The following TMEM207 variants were observed in gnomAD, a reference collection of about 807,000 sequenced individuals.
The protein encoded by TMEM207 is transmembrane protein 207, also known as SRSR846.
TMEM207 carries 15 observed loss-of-function variants against 17.4 expected under a neutral mutation model. The ratio of observed to expected loss-of-function variants is 0.86; its 90% CI spans 0.58 to 1.33. TMEM207 has a LOEUF of 1.33. Ranked by LOEUF, TMEM207 falls within the 40% of genes most tolerant of loss-of-function variation. The pLI, the probability that TMEM207 is intolerant of heterozygous loss-of-function variation, is 0.00. For synonymous variants in TMEM207, 70 were observed against 65.6 expected, an observed-to-expected ratio of 1.07 and a Z score of -0.33; for missense variants, 205 against 173.8, an observed-to-expected ratio of 1.18 and a Z score of -1.01.
At chr3:190,444,305 G>T (rs558746815) in intron 2 of TMEM207, 4 of 465,046 alleles carry the variant, frequency 8.6e-6, no homozygotes, top group African/African-American at 2.1e-5. Flanking sequence ...AGTAACTTGC[G>T]CAAGTTAGCA....
At chr3:190,435,179 T>C (rs925209881) in intron 4 of TMEM207, among the ~76,000 whole-genome samples, 29 of 152,178 alleles carry the variant, frequency 1.9e-4, no homozygotes, top group African/African-American at 6.8e-4. Context: ...TTAAATAACA[T>C]AAATTCATTT....
intron 4 of TMEM207, among the ~76,000 whole-genome samples, chr3:190,434,609 A>G (rs1469656963): frequency 6.6e-6 from 1 of 152,246 alleles, no homozygotes; most frequent in Non-Finnish European, 1.5e-5. Flanking sequence ...AAAAGAAAAC[A>G]TCAAAAAGAA....
intron 4 of TMEM207, among the ~76,000 whole-genome samples, chr3:190,433,657 G>C (rs1193795125): frequency 6.6e-6 from 1 of 152,058 alleles, no homozygotes; most frequent in Non-Finnish European, 1.5e-5. Context: ...ACTGTCTGTG[G>C]CTCAATGTGT....
chr3:190,433,187 G>A (rs1190779513), intron 4 of TMEM207, among the ~76,000 whole-genome samples: 1 of 151,890 alleles, frequency 6.6e-6, no homozygotes, highest in Non-Finnish European at 1.5e-5. Flanking sequence ...AGCTCTATTT[G>A]TCCTTTTCTC....
chr3:190,430,508 T>A, intron 4 of TMEM207, among the ~76,000 whole-genome samples: 1 of 151,026 alleles, frequency 6.6e-6, no homozygotes, highest in Middle Eastern at 3.5e-3. Flanking sequence ...ACTATATATA[T>A]AAAGATGGTT....
At chr3:190,430,959 C>T (rs1337480933) in intron 4 of TMEM207, among the ~76,000 whole-genome samples, 2 of 152,242 alleles carry the variant, frequency 1.3e-5, no homozygotes, top group South Asian at 2.1e-4. Flanking sequence ...AGTTGCTTCA[C>T]TAGGATCCAT....
chr3:190,435,332 T>C (rs957481415), intron 4 of TMEM207, among the ~76,000 whole-genome samples: 65 of 152,210 alleles, frequency 4.3e-4, no homozygotes. Flanking sequence ...CCTGTCTGTG[T>C]GCTAATATCT....
At chr3:190,430,963 G>A (rs1560105291) in intron 4 of TMEM207, among the ~76,000 whole-genome samples, 1 of 152,096 alleles carries the variant, frequency 6.6e-6, no homozygotes, top group Non-Finnish European at 1.5e-5. Context: ...GCTTCACTAG[G>A]ATCCATACGG....
chr3:190,446,157 C>T (rs1720040505), intron 2 of TMEM207, among the ~76,000 whole-genome samples: 1 of 151,818 alleles, frequency 6.6e-6, no homozygotes, highest in Non-Finnish European at 1.5e-5. Context: ...TTGTGTGTTA[C>T]TCTCTTATAG....
chr3:190,441,926 C>T (rs2108536943), intron 2 of TMEM207, among the ~76,000 whole-genome samples: 1 of 152,288 alleles, frequency 6.6e-6, no homozygotes, highest in East Asian at 1.9e-4. Flanking sequence ...GAATAGGAGG[C>T]ATTGGACAAC....
At position 190,434,766 on chromosome 3, in the gene TMEM207, T is replaced by C. The variant is rs1320408620; in HGVS notation, c.305-5035A>G. Among the ~76,000 whole-genome samples the C allele has an allele frequency of 2.0e-5, 3 of 152,200 alleles. No individual in the cohort carries two copies. The East Asian group carries it at 5.8e-4, about 29-fold the overall frequency. ...TGCCATTTGAGAAGACATGAGGTCA[T>C]TGAGCGGACGCTCTCTGGGTTGTAG... On this transcript the variant is annotated intron_variant, in intron 4 of 4. Transcript: ENST00000354905.
At chr3:190,437,054 G>C (rs566026627) in intron 4 of TMEM207, among the ~76,000 whole-genome samples, 2 of 152,158 alleles carry the variant, frequency 1.3e-5, no homozygotes, top group African/African-American at 4.8e-5. Context: ...GTAACTAATG[G>C]GAATCAATAG....
intron 2 of TMEM207, among the ~76,000 whole-genome samples, chr3:190,446,472 T>C (rs2108539461): frequency 6.6e-6 from 1 of 151,088 alleles, no homozygotes; most frequent in East Asian, 1.9e-4. Context: ...TTTTTGTGTT[T>C]ATTTTCTGCC....
chr3:190,434,394 T>G (rs2108532614), intron 4 of TMEM207, among the ~76,000 whole-genome samples: 1 of 152,142 alleles, frequency 6.6e-6, no homozygotes, highest in East Asian at 1.9e-4. Flanking sequence ...TTATCAGGGG[T>G]TTCCACTTTT....
rs1719647186 is a variant in TMEM207 at position 190,429,666 on chromosome 3, G to GAT, written c.368_369dup (p.Pro124IlefsTer11). ...GGGCCAAAACATGGAGCAGGAACAG[G>GAT]ATATAGGTCAGGGGTTTGAGTTTGA... On this transcript the variant is annotated frameshift_variant, in exon 5 of 5. Coordinates refer to ENST00000354905, the MANE Select transcript of TMEM207 (RefSeq NM_207316.3). LOFTEE classifies it low-confidence loss of function (END_TRUNC). 4 of 1,613,432 alleles carry GAT rather than the reference G, an allele frequency of 2.5e-6. No individual in the cohort carries two copies. The Admixed American group carries it at 6.7e-5, about 27-fold the overall frequency.
intron 3 of TMEM207, among the ~76,000 whole-genome samples, chr3:190,440,679 C>T (rs1368790777): frequency 1.3e-5 from 2 of 152,204 alleles, no homozygotes; most frequent in Non-Finnish European, 2.9e-5. Flanking sequence ...ATCCATTCTT[C>T]CTTTCAGACA....
At chr3:190,449,408 A>G (rs987851345) in intron 1 of TMEM207, among the ~76,000 whole-genome samples, 1 of 152,230 alleles carries the variant, frequency 6.6e-6, no homozygotes, top group Admixed American at 6.5e-5. Context: ...AAATTAATCT[A>G]GCCATAGCAT....
chr3:190,436,416 T>C (rs1311223547), intron 4 of TMEM207, among the ~76,000 whole-genome samples: 1 of 152,220 alleles, frequency 6.6e-6, no homozygotes, highest in African/African-American at 2.4e-5. Flanking sequence ...CATTTTTCTC[T>C]TTCTCTTCTG....
chr3:190,449,467 A>G (rs1720115033), intron 1 of TMEM207, among the ~76,000 whole-genome samples: 1 of 152,232 alleles, frequency 6.6e-6, no homozygotes, highest in Non-Finnish European at 1.5e-5. Flanking sequence ...ACAGCATAGC[A>G]AAGTTAAACA....
Sources: gnomAD v4.1 joint callset for allele counts (sites outside exome capture counted in the v4.1 genomes callset) on GRCh38, gnomAD v4.1.1 for gene constraint, MANE v1.5 for transcripts, NCBI Gene and HGNC (gene_info 2026-07-23, HGNC 2026-07-21) for gene names.